XRCC2: variants seen among roughly 807,000 people sequenced by gnomAD.
XRCC2 encodes the protein DNA repair protein XRCC2.
A neutral mutation model predicts 27.3 loss-of-function variants in XRCC2; 24 were observed. That is an observed-to-expected ratio of 0.88 (90% CI 0.64 to 1.24). The LOEUF is 1.24. Ranked by LOEUF, XRCC2 falls within the 50% of genes most tolerant of loss-of-function variation. The pLI is 0.00. For synonymous variants in XRCC2, 106 were observed against 115.4 expected (o/e 0.92, Z 0.52); for missense variants, 321 against 325.8 (o/e 0.99, Z 0.11).
intron 1 of XRCC2, among the ~76,000 whole-genome samples, chr7:152,664,816 C>A (rs930296156): frequency 1.3e-5 from 2 of 152,040 alleles, no homozygotes; most frequent in African/African-American, 2.4e-5. Context: ...GCAGCTGGCA[C>A]CAGGGAGGGG....
At chr7:152,670,517 T>C (rs919830232) in intron 1 of XRCC2, among the ~76,000 whole-genome samples, 3 of 152,174 alleles carry the variant, frequency 2.0e-5, no homozygotes, top group Non-Finnish European at 4.4e-5. Flanking sequence ...TACACATCCT[T>C]ATGACTACCA....
chr7:152,660,744 T>C lies in XRCC2; in HGVS notation c.78A>G (p.Glu26=), dbSNP rs1316556263. Residue 26 remains glutamate, a synonymous_variant, in exon 2 of 3, where the codon GAA becomes GAG. Coordinates refer to ENST00000359321, the MANE Select transcript of XRCC2 (RefSeq NM_005431.2). ...ARLEGRSSLK[E]IEPNLFADED... Reference sequence around the variant, plus strand: ...CATCAGCAAACAGATTTGGTTCTATTTCTTTCAAGGAACTTCTACCTTCAA... The same window carrying C: ...CATCAGCAAACAGATTTGGTTCTATCTCTTTCAAGGAACTTCTACCTTCAA... The C allele has an allele frequency of 6.2e-7, 1 of 1,613,656 alleles. No homozygotes were observed.
chr7:152,666,865 G>A (rs555593222), intron 1 of XRCC2, among the ~76,000 whole-genome samples: 3 of 149,606 alleles, frequency 2.0e-5, no homozygotes, highest in East Asian at 2.1e-4. Flanking sequence ...TGATCCACCC[G>A]CCTCAGCCTC....
intron 2 of XRCC2, among the ~76,000 whole-genome samples, chr7:152,656,531 G>A (rs1455844403): frequency 6.6e-6 from 1 of 152,126 alleles, no homozygotes; most frequent in African/African-American, 2.4e-5. Context: ...TCTTCTATCT[G>A]CTATTGTTCC....
intron 2 of XRCC2, among the ~76,000 whole-genome samples, chr7:152,659,010 T>C (rs2098031950): frequency 6.6e-6 from 1 of 152,248 alleles, no homozygotes; most frequent in South Asian, 2.1e-4. Flanking sequence ...TGTGATCATA[T>C]GGTAGCTCTA....
chr7:152,650,849 G>A (rs564108328), intron 2 of XRCC2, among the ~76,000 whole-genome samples: 3 of 152,214 alleles, frequency 2.0e-5, no homozygotes, highest in Admixed American at 1.3e-4. Flanking sequence ...TCACGCCATT[G>A]GACTCCAGCC....
chr7:152,650,790 G>A (rs1222833174), intron 2 of XRCC2, among the ~76,000 whole-genome samples: 1 of 152,026 alleles, frequency 6.6e-6, no homozygotes, highest in Non-Finnish European at 1.5e-5. Flanking sequence ...AGAGGCTGAG[G>A]CAGGAGAATC....
chr7:152,651,428 T>A (rs2098028472), intron 2 of XRCC2, among the ~76,000 whole-genome samples: 1 of 138,958 alleles, frequency 7.2e-6, no homozygotes, highest in Non-Finnish European at 1.5e-5. Context: ...ACTCTACAAT[T>A]AAAAAAAAAA....
intron 1 of XRCC2, 122 bp from the exon 2 acceptor site, chr7:152,660,904 C>T (rs2098032829): frequency 3.7e-6 from 3 of 809,914 alleles, no homozygotes; most frequent in African/African-American, 3.5e-5. Flanking sequence ...TGCTGTGGCT[C>T]ACACCTGTAA....
chr7:152,663,628 C>T (rs943414415), intron 1 of XRCC2, among the ~76,000 whole-genome samples: 1 of 152,078 alleles, frequency 6.6e-6, no homozygotes, highest in Non-Finnish European at 1.5e-5. Flanking sequence ...CGCTTGAGCC[C>T]GGGAGTTTAA....
chr7:152,646,771 CCAGT>C lies in XRCC2; in HGVS notation c.*1867_*1870del, dbSNP rs2098026143. ...GGATCACAGGCATGAGCCACCACGC[CCAGT>C]CAGTCTTGTTCCTTTTTATGGCTGT... On this transcript the variant is annotated 3_prime_UTR_variant, in exon 3 of 3. Coordinates refer to ENST00000359321, the MANE Select transcript of XRCC2 (RefSeq NM_005431.2). The C allele has an allele frequency of 6.6e-6, 1 of 152,256 alleles. No individual in the cohort carries two copies. Among genetic ancestry groups the C allele is most frequent in the South Asian group, 2.1e-4 (1 of 4,830 alleles). 9.4% of individuals were successfully genotyped at this position (152,256 alleles called of 1,614,324 possible). A position where few individuals can be genotyped will look rare whatever the true frequency, so the allele number is the denominator to read the frequency against.
Position 152,648,941 on chromosome 7 carries a change from T to C in XRCC2, c.544A>G (p.Lys182Glu), listed in dbSNP as rs1064795338. ...ACCAGGCGATAGTCATTTACAAGCT[T>C]CTCTAAGCACTGAGAACATTTCCTC... ...TLRKCSQCLE[K>E]LVNDYRLVLF... Residue 182 changes from lysine to glutamate, a missense_variant, in exon 3 of 3, where the codon AAG becomes GAG. Transcript: ENST00000359321. 1.9e-6 allele frequency: 3 copies of C among 1,614,194 alleles called. No individual in the cohort carries two copies. The highest frequency in any genetic ancestry group is 1.7e-6 in the Non-Finnish European group (2 of 1,180,036).
chr7:152,662,783 C>T (rs1454781852), intron 1 of XRCC2, among the ~76,000 whole-genome samples: 3 of 151,130 alleles, frequency 2.0e-5, no homozygotes, highest in Admixed American at 6.6e-5. Context: ...CCATTTTAGC[C>T]GGGATGGTCT....
At chr7:152,653,616 C>T (rs1414066239) in intron 2 of XRCC2, among the ~76,000 whole-genome samples, 2 of 92,082 alleles carry the variant, frequency 2.2e-5, no homozygotes, top group Admixed American at 1.3e-4. Flanking sequence ...TGTGCCACCA[C>T]ACCTGGGTAA....
At chr7:152,653,490 CA>C (rs1012190869) in intron 2 of XRCC2, among the ~76,000 whole-genome samples, 3 of 152,254 alleles carry the variant, frequency 2.0e-5, no homozygotes, top group Admixed American at 2.0e-4. Context: ...GACAGGGTCT[CA>C]TTCTGTCGCC....
chr7:152,645,421 T>C lies in XRCC2; in HGVS notation c.*3221A>G, dbSNP rs2098025334. 4 of 152,118 alleles carry C rather than the reference T, an allele frequency of 2.6e-5. No individual in the cohort carries two copies. Among genetic ancestry groups the C allele is most frequent in the Admixed American group, 2.6e-4 (4 of 15,268 alleles). 9.4% of individuals were successfully genotyped at this position (152,118 alleles called of 1,614,324 possible). On this transcript the variant is annotated 3_prime_UTR_variant, in exon 3 of 3. Transcript: ENST00000359321. ...ACTGCACTCAGCCTAAAATTCTATT[T>C]TTTAATTCTGTTGCTGGTACTTAGA...
At position 152,648,798 on chromosome 7, in the gene XRCC2, C is replaced by G. The variant is rs2098027173; in HGVS notation, c.687G>C (p.Lys229Asn). ...VDIDYRPYLC[K>N]AWQQLVKHRM... is the part of the protein sequence containing the mutation. ...TGTGCTTCACCAGTTGCTGCCATGC[C>G]TTACAGAGATAAGGTCTGTAGTCTA... Residue 229 changes from lysine (K) to asparagine (N), a missense_variant, in exon 3 of 3, where the codon AAG becomes AAC. Physicochemically the swap from Lys to Asn is moderately conservative, Grantham distance 94. Coordinates refer to ENST00000359321, the MANE Select transcript of XRCC2 (RefSeq NM_005431.2). 6.2e-7 allele frequency: 1 copy of G among 1,614,048 alleles called. No homozygotes were observed. Among genetic ancestry groups the G allele is most frequent in the East Asian group, 2.2e-5 (1 of 44,904 alleles).
At chr7:152,658,309 C>G (rs916631346) in intron 2 of XRCC2, among the ~76,000 whole-genome samples, 1 of 152,106 alleles carries the variant, frequency 6.6e-6, no homozygotes, top group Non-Finnish European at 1.5e-5. Flanking sequence ...TGCCACCACG[C>G]CTGGCTAATT....
chr7:152,651,173 C>A (rs1385033611), intron 2 of XRCC2, among the ~76,000 whole-genome samples: 1 of 152,080 alleles, frequency 6.6e-6, no homozygotes, highest in Non-Finnish European at 1.5e-5. Flanking sequence ...CTCCTGACCT[C>A]AGGTGATCTA....
Sources: allele counts gnomAD v4.1 joint callset (sites outside exome capture counted in the v4.1 genomes callset), GRCh38; gene constraint gnomAD v4.1.1; transcripts MANE v1.5; gene names NCBI Gene and HGNC (gene_info 2026-07-23, HGNC 2026-07-21).